Variants in MPPED1 observed in about 807,000 individuals in gnomAD.
MPPED1 encodes the protein metallophosphoesterase domain-containing protein 1.
Under a neutral mutation model 36.2 loss-of-function variants are expected in MPPED1, and 16 were observed. The ratio of observed to expected loss-of-function variants is 0.44; its 90% CI spans 0.30 to 0.67. The LOEUF is 0.67. MPPED1 is among the 30% of genes least tolerant of loss of function. The pLI is 0.10. For missense variants in MPPED1, 307 were observed against 453.4 expected (o/e 0.68, Z 2.93); for synonymous variants, 199 against 191.3 (o/e 1.04, Z -0.33).
chr22:43,434,957 G>T, intron 2 of MPPED1, 77 bp from the exon 3 acceptor site: 2 of 1,465,816 alleles, frequency 1.4e-6, no homozygotes, highest in Non-Finnish European at 9.4e-7. Context: ...AGCTGTGGTG[G>T]ATGGGGCTGC....
At position 43,444,700 on chromosome 22, in the gene MPPED1, A is replaced by C. The variant is rs143848456; in HGVS notation, c.406+9485A>C. ...ATTTTTTTTGAAGACCATTATCCTAAGTATCTCTGCCTTAAAATTAAAAAC... is the reference window on the plus strand; with the variant it reads ...ATTTTTTTTGAAGACCATTATCCTACGTATCTCTGCCTTAAAATTAAAAAC... On this transcript the variant is annotated intron_variant, in intron 3 of 6. Coordinates refer to ENST00000443721, the MANE Select transcript of MPPED1 (RefSeq NM_001044370.2). Among the ~76,000 whole-genome samples the C allele has an allele frequency of 6.3e-4, 95 of 151,542 alleles. 1 individual carries two copies. The East Asian group carries it at 0.017, about 27-fold the overall frequency.
chr22:43,480,726 A>G (rs1390976657), intron 4 of MPPED1, among the ~76,000 whole-genome samples: 1 of 151,972 alleles, frequency 6.6e-6, no homozygotes, highest in African/African-American at 2.4e-5. Flanking sequence ...GTAGTCAAAT[A>G]TCTTCGTGTT....
At chr22:43,481,940 T>C (rs1196407758) in intron 4 of MPPED1, among the ~76,000 whole-genome samples, 7 of 152,136 alleles carry the variant, frequency 4.6e-5, no homozygotes, top group African/African-American at 1.7e-4. Flanking sequence ...GATGAAAGTC[T>C]CATTAGGGTG....
At chr22:43,498,381 C>G (rs779186671) in intron 5 of MPPED1, 31 bp downstream of exon 5, 2 of 1,509,756 alleles carry the variant, frequency 1.3e-6, no homozygotes, top group Non-Finnish European at 1.8e-6. Context: ...CCCTCCAGCT[C>G]GCCCATCTGG....
chr22:43,444,279 G>GGTGT (rs35340638), intron 3 of MPPED1, among the ~76,000 whole-genome samples: 4,492 of 141,892 alleles, frequency 0.032, 145 homozygotes, highest in African/African-American at 0.074. Context: ...GACCCACTGG[G>GGTGT]GTGTGTGTGT....
intron 3 of MPPED1, among the ~76,000 whole-genome samples, chr22:43,469,014 T>C (rs1931269019): frequency 6.6e-6 from 1 of 152,198 alleles, no homozygotes; most frequent in Admixed American, 6.5e-5. Context: ...GAGAGGCTTT[T>C]TCTTTAGCTT....
chr22:43,496,558 A>G (rs373896540), intron 4 of MPPED1, among the ~76,000 whole-genome samples: 3 of 12,452 alleles, frequency 2.4e-4, no homozygotes, highest in African/African-American at 3.1e-3. Flanking sequence ...TGGTGGAGAT[A>G]GTGGTGGTGG....
At position 43,470,654 on chromosome 22, in the gene MPPED1, G is replaced by A. The variant is rs117416901; in HGVS notation, c.407-4082G>A. Among the ~76,000 whole-genome samples the A allele has an allele frequency of 3.6e-4, 55 of 152,274 alleles. No individual in the cohort carries two copies. The East Asian group carries it at 6.6e-3, about 18-fold the overall frequency. On this transcript the variant is annotated intron_variant, in intron 3 of 6. Transcript: ENST00000443721. ...GGTGCAGAGTACACCTCAGGATACC[G>A]CCATAGGGTCTACCAAATGTCCATT...
intron 4 of MPPED1, among the ~76,000 whole-genome samples, chr22:43,491,737 T>TGGTGATGGAGGTGGG (rs1932103941): frequency 7.0e-6 from 1 of 142,042 alleles, no homozygotes; most frequent in Admixed American, 7.0e-5. Context: ...ATGCTGGTGG[T>TGGTGATGGAGGTGGG]GGTGATGGTG....
chr22:43,480,248 C>T (rs1031836637), intron 4 of MPPED1, among the ~76,000 whole-genome samples: 1 of 152,144 alleles, frequency 6.6e-6, no homozygotes, highest in Non-Finnish European at 1.5e-5. Flanking sequence ...CCCAGGAGCT[C>T]AGGTTTGACA....
intron 4 of MPPED1, among the ~76,000 whole-genome samples, chr22:43,484,046 G>A (rs1156492874): frequency 1.3e-5 from 2 of 152,348 alleles, no homozygotes; most frequent in Admixed American, 6.5e-5. Context: ...GCGGCCTCAC[G>A]GCCATTAGGA....
At chr22:43,504,615 G>A (rs565039529) in intron 6 of MPPED1, among the ~76,000 whole-genome samples, 18 of 151,842 alleles carry the variant, frequency 1.2e-4, no homozygotes, top group African/African-American at 3.1e-4. Context: ...TGTTGGTGAC[G>A]TTGATGGCAC....
intron 3 of MPPED1, among the ~76,000 whole-genome samples, chr22:43,444,031 A>G (rs1930243108): frequency 6.6e-6 from 1 of 152,172 alleles, no homozygotes; most frequent in African/African-American, 2.4e-5. Context: ...CATTTAAAAA[A>G]TTAATTTTCT....
Position 43,497,929 on chromosome 22 carries a change from G to GTGTATA in MPPED1, c.633-305_633-304insGTATAT, listed in dbSNP as rs1555904565. The stretch of plus-strand genomic sequence containing the variant: ...CTTAGGAAGAAGCTGATATATATAT[G>GTGTATA]TATATGTATATATATATATGTATTT... On this transcript the variant is annotated intron_variant, in intron 4 of 6. Transcript: ENST00000443721. Among the ~76,000 whole-genome samples, 56 of 48,740 alleles carry GTGTATA rather than the reference G, an allele frequency of 1.1e-3. 1 individual carries two copies. The highest frequency in any genetic ancestry group is 1.8e-3 in the Non-Finnish European group (35 of 19,208). The allele number at this position is 48,740 out of a possible 152,430, so 32.0% of individuals were successfully genotyped here.
chr22:43,437,914 A>G (rs1009829312), intron 3 of MPPED1, among the ~76,000 whole-genome samples: 1 of 152,170 alleles, frequency 6.6e-6, no homozygotes, highest in African/African-American at 2.4e-5. Flanking sequence ...GGAACAACAC[A>G]TGTGTTACAG....
intron 2 of MPPED1, among the ~76,000 whole-genome samples, chr22:43,434,369 T>C (rs893241553): frequency 2.0e-5 from 3 of 152,182 alleles, no homozygotes; most frequent in African/African-American, 7.2e-5. Flanking sequence ...CACATTCTCC[T>C]GAAACTCCCC....
intron 4 of MPPED1, among the ~76,000 whole-genome samples, chr22:43,481,053 C>T (rs1931733801): frequency 1.3e-5 from 2 of 152,164 alleles, no homozygotes; most frequent in South Asian, 2.1e-4. Flanking sequence ...AAACTCCTGA[C>T]CTCAAGTGAT....
intron 4 of MPPED1, among the ~76,000 whole-genome samples, chr22:43,476,147 G>T (rs1341396126): frequency 2.0e-5 from 3 of 152,060 alleles, no homozygotes; most frequent in Non-Finnish European, 2.9e-5. Context: ...TGGGCCCTAG[G>T]CTAAAGGCTC....
intron 2 of MPPED1, among the ~76,000 whole-genome samples, chr22:43,430,521 C>G (rs1929638134): frequency 6.6e-6 from 1 of 152,154 alleles, no homozygotes; most frequent in African/African-American, 2.4e-5. Flanking sequence ...AGGCCGTGTT[C>G]TCTCCTCTGT....
Sources: gnomAD v4.1 joint callset for allele counts (sites outside exome capture counted in the v4.1 genomes callset) on GRCh38, gnomAD v4.1.1 for gene constraint, MANE v1.5 for transcripts, NCBI Gene and HGNC (gene_info 2026-07-23, HGNC 2026-07-21) for gene names.